The following MMP26 variants were observed in gnomAD, a reference collection of about 807,000 sequenced individuals.
MMP26 encodes the protein matrix metallopeptidase 26.
A neutral mutation model predicts 31.0 loss-of-function variants in MMP26; 33 were observed. The observed-to-expected ratio is 1.06, with a 90% CI of 0.81 to 1.42. The LOEUF (loss-of-function observed/expected upper bound fraction) is 1.42. Among genes scored for constraint, MMP26 ranks in the 40% most tolerant of loss-of-function variants. The pLI is 0.00. For missense variants in MMP26, 347 were observed against 316.1 expected (o/e 1.10, Z -0.74); for synonymous variants, 122 against 114.9 (o/e 1.06, Z -0.40).
intron 1 of MMP26, among the ~76,000 whole-genome samples, chr11:4,732,468 A>G (rs1464666316): frequency 1.3e-5 from 2 of 150,508 alleles, no homozygotes; most frequent in African/African-American, 4.9e-5. Context: ...GATGTTTAGT[A>G]TATTCATGAA....
At chr11:4,839,809 G>A (rs1371097152) in intron 2 of MMP26, among the ~76,000 whole-genome samples, 1 of 151,782 alleles carries the variant, frequency 6.6e-6, no homozygotes, top group African/African-American at 2.4e-5. Flanking sequence ...TGAGGGAAGA[G>A]TAAGAGGACT....
intron 2 of MMP26, among the ~76,000 whole-genome samples, chr11:4,888,471 A>T (rs1021072061): frequency 6.6e-6 from 1 of 152,174 alleles, no homozygotes; most frequent in Non-Finnish European, 1.5e-5. Context: ...ATGCCTAAAC[A>T]ACCATTAAGA....
At chr11:4,763,357 TAAAAC>T (rs1848591525) in intron 1 of MMP26, among the ~76,000 whole-genome samples, 1 of 152,168 alleles carries the variant, frequency 6.6e-6, no homozygotes, top group Non-Finnish European at 1.5e-5. Context: ...AAATAGAAAT[TAAAAC>T]AGAAAGTCAT....
At chr11:4,811,627 C>A (rs530139254) in intron 2 of MMP26, among the ~76,000 whole-genome samples, 5 of 152,016 alleles carry the variant, frequency 3.3e-5, no homozygotes, top group African/African-American at 4.8e-5. Flanking sequence ...ATATTGGAAG[C>A]AGAATAAAAT....
intron 2 of MMP26, chr11:4,882,257 A>G (rs1564799712): frequency 6.2e-7 from 1 of 1,613,924 alleles, no homozygotes; most frequent in East Asian, 2.2e-5. Flanking sequence ...GCTGGTAGCC[A>G]TGGCCTTTGA....
chr11:4,953,513 C>A (rs1387173318), intron 2 of MMP26, among the ~76,000 whole-genome samples: 1 of 124,426 alleles, frequency 8.0e-6, no homozygotes, highest in East Asian at 2.3e-4. Context: ...GGTCATAATA[C>A]AAGCTTGGGC....
chr11:4,861,094 ATATCATATATACTTCCATATG>A (rs1850149035), intron 2 of MMP26, among the ~76,000 whole-genome samples: 1 of 149,502 alleles, frequency 6.7e-6, no homozygotes, highest in Non-Finnish European at 1.5e-5. Flanking sequence ...ACTTCCATAT[ATATCATATATACTTCCATATG>A]TATATACATA....
intron 2 of MMP26, among the ~76,000 whole-genome samples, chr11:4,773,565 A>G (rs1848753274): frequency 1.3e-5 from 2 of 151,574 alleles, no homozygotes; most frequent in Non-Finnish European, 2.9e-5. Flanking sequence ...CTCCTGACTT[A>G]CAGGAATTCA....
chr11:4,903,134 C>A (rs1478867971), intron 2 of MMP26, among the ~76,000 whole-genome samples: 2 of 151,708 alleles, frequency 1.3e-5, no homozygotes, highest in Non-Finnish European at 2.9e-5. Flanking sequence ...TTAATTTAAA[C>A]CATGATGGAA....
chr11:4,915,380 C>T (rs199695370), intron 2 of MMP26: 104 of 1,613,974 alleles, frequency 6.4e-5, no homozygotes, highest in Admixed American at 1.0e-4. Context: ...GCTAATTTCT[C>T]GTGCTCCAAC....
At chr11:4,778,485 T>G (rs1289461256) in intron 2 of MMP26, among the ~76,000 whole-genome samples, 1 of 152,088 alleles carries the variant, frequency 6.6e-6, no homozygotes, top group Non-Finnish European at 1.5e-5. Flanking sequence ...GTGTCCCATT[T>G]GCCTATGTGT....
chr11:4,952,120 T>A (rs1846380010), intron 2 of MMP26, among the ~76,000 whole-genome samples: 1 of 124,988 alleles, frequency 8.0e-6, no homozygotes, highest in Non-Finnish European at 1.8e-5. Context: ...TTCAGGAACA[T>A]GTGCAAATCA....
chr11:4,961,771 G>T (rs1846523921), intron 2 of MMP26, among the ~76,000 whole-genome samples: 1 of 152,150 alleles, frequency 6.6e-6, no homozygotes, highest in African/African-American at 2.4e-5. Context: ...TGAACATTAA[G>T]AATTTTTAAC....
At chr11:4,843,294 C>G (rs1849821411) in intron 2 of MMP26, among the ~76,000 whole-genome samples, 1 of 152,226 alleles carries the variant, frequency 6.6e-6, no homozygotes, top group East Asian at 1.9e-4. Context: ...TTTCCTCACT[C>G]CACTGCCTTA....
chr11:4,804,967 C>CA (rs372949891), intron 2 of MMP26, among the ~76,000 whole-genome samples: 6,142 of 111,662 alleles, frequency 0.055, 148 homozygotes, highest in African/African-American at 0.068. Context: ...GAAACCGCCT[C>CA]AAAAAAAAAA....
intron 2 of MMP26, chr11:4,787,384 G>A (rs1175939094): frequency 2.0e-5 from 3 of 152,276 alleles, no homozygotes; most frequent in Admixed American, 6.5e-5. Context: ...GGTCACCGGG[G>A]TTGGTACACC....
chr11:4,928,705 G>C (rs1276100585), intron 2 of MMP26, among the ~76,000 whole-genome samples: 1 of 151,954 alleles, frequency 6.6e-6, no homozygotes, highest in Non-Finnish European at 1.5e-5. Flanking sequence ...AGCTAGGATG[G>C]GTTGCTAGAT....
chr11:4,778,745 A>G (rs1297423330), intron 2 of MMP26, among the ~76,000 whole-genome samples: 2 of 152,110 alleles, frequency 1.3e-5, no homozygotes, highest in Non-Finnish European at 2.9e-5. Context: ...CATGAACATG[A>G]TAAATATGTG....
intron 1 of MMP26, among the ~76,000 whole-genome samples, chr11:4,739,098 C>T: frequency 6.6e-6 from 1 of 152,086 alleles, no homozygotes; most frequent in Non-Finnish European, 1.5e-5. Context: ...CTTTTAAAAG[C>T]CAACTGTATT....
Sources: gnomAD v4.1 joint callset for allele counts (sites outside exome capture counted in the v4.1 genomes callset) on GRCh38, gnomAD v4.1.1 for gene constraint, MANE v1.5 for transcripts, NCBI Gene and HGNC (gene_info 2026-07-23, HGNC 2026-07-21) for gene names.